The following PCDHGA12 variants were observed in gnomAD, a reference collection of about 807,000 sequenced individuals.
The protein encoded by PCDHGA12 is protocadherin gamma subfamily A, 12, also known as protocadherin gamma-A12.
In PCDHGA12, 43 loss-of-function variants were observed where a neutral mutation model predicts 61.1. The observed-to-expected ratio is 0.70, with a 90% CI of 0.55 to 0.91. The LOEUF is 0.91. Ranked by LOEUF, PCDHGA12 falls within the 40% of genes least tolerant of loss-of-function variation. The pLI is 0.00. For missense variants in PCDHGA12, 1,236 were observed against 1,227.7 expected, an observed-to-expected ratio of 1.01 and a Z score of -0.10; for synonymous variants, 520 against 542.9, an observed-to-expected ratio of 0.96 and a Z score of 0.59.
In PCDHGA12 at chr5:141,431,377, T is replaced by A; in HGVS notation, c.618T>A (p.Ala206=). 1 of 1,613,426 alleles carries A rather than the reference T, an allele frequency of 6.2e-7. No individual in the cohort carries two copies. Among genetic ancestry groups the A allele is most frequent in the Non-Finnish European group, 8.5e-7 (1 of 1,179,558 alleles). The part of the protein sequence containing the change: ...LKRALDREEK[A]AHHLVLTASD... ...GCGCCCTGGACCGCGAAGAAAAGGC[T>A]GCTCACCACCTGGTCCTTACGGCCT... is the stretch of plus-strand genomic sequence containing the variant. The change falls in exon 1 of 4, where the codon GCT becomes GCA. Residue 206 remains alanine (A), a synonymous_variant. Coordinates refer to ENST00000252085, the MANE Select transcript of PCDHGA12 (RefSeq NM_003735.3). This position sits in a 1 kb window ranked among gnomAD's most constrained non-coding sequence, Gnocchi z 4.8.
At chr5:141,436,829 G>C (rs1194891483) in intron 1 of PCDHGA12, among the ~76,000 whole-genome samples, 3 of 152,214 alleles carry the variant, frequency 2.0e-5, no homozygotes, top group African/African-American at 7.2e-5. Flanking sequence ...AAAATCTTAA[G>C]TGCCTAGGCA....
rs1163353349 is a variant in PCDHGA12, at chr5:141,489,426, G to C, written c.2425-5381G>C. 6.2e-7 allele frequency: 1 copy of C among 1,614,012 alleles called. No homozygotes were observed. The highest frequency in any genetic ancestry group is 1.3e-5 in the African/African-American group (1 of 74,922). ...TAAAGATGACAGATCTGTTGAGCCGGCGGCTGCAATTGGGCTCTGAGGAGA... is the reference window on the plus strand; with the variant it reads ...TAAAGATGACAGATCTGTTGAGCCGCCGGCTGCAATTGGGCTCTGAGGAGA... On this transcript the variant is annotated intron_variant, in intron 1 of 3. Transcript: ENST00000252085. The surrounding 1 kb of genome is among the most constrained non-coding windows in gnomAD (Gnocchi z 4.5).
chr5:141,470,911 G>A (rs1208467445), intron 1 of PCDHGA12, among the ~76,000 whole-genome samples: 1 of 151,916 alleles, frequency 6.6e-6, no homozygotes, highest in Non-Finnish European at 1.5e-5. Context: ...AGATGGGACT[G>A]TCCCTATGTT....
At chr5:141,508,739 C>A (rs1344024245) in intron 3 of PCDHGA12, among the ~76,000 whole-genome samples, 1 of 152,156 alleles carries the variant, frequency 6.6e-6, no homozygotes, top group African/African-American at 2.4e-5. Context: ...ACACCCCCCA[C>A]CCCGCTCTTT....
chr5:141,504,135 C>T (rs758903340), intron 2 of PCDHGA12, among the ~76,000 whole-genome samples: 1 of 152,188 alleles, frequency 6.6e-6, no homozygotes, highest in Non-Finnish European at 1.5e-5. Context: ...CCCGCCAACA[C>T]TCCCCTGCAA....
In PCDHGA12 at chr5:141,432,545, A is replaced by G; in HGVS notation, c.1786A>G (p.Arg596Gly). ...YLVTKVVAVD[R>G]DSGQNAWLSY... Reference sequence around the variant, plus strand: ...GGTGACCAAGGTGGTGGCGGTGGACAGAGACTCCGGCCAGAACGCCTGGCT... The same window carrying G: ...GGTGACCAAGGTGGTGGCGGTGGACGGAGACTCCGGCCAGAACGCCTGGCT... Residue 596 changes from arginine (R) to glycine (G), a missense_variant, in exon 1 of 4, where the codon AGA (arginine) becomes GGA (glycine). Arg to Gly is a moderately radical substitution (Grantham distance 125). Coordinates refer to ENST00000252085, the MANE Select transcript of PCDHGA12 (RefSeq NM_003735.3). This position sits in a 1 kb window ranked among gnomAD's most constrained non-coding sequence, Gnocchi z 6.0. The G allele has an allele frequency of 1.2e-6, 2 of 1,613,876 alleles. No homozygotes were observed. Among genetic ancestry groups the G allele is most frequent in the Non-Finnish European group, 1.7e-6 (2 of 1,179,984 alleles).
In PCDHGA12 at chr5:141,485,216, G is replaced by C. The variant is rs757059807; in HGVS notation, c.2425-9591G>C. On this transcript the variant is annotated intron_variant, in intron 1 of 3. Transcript: ENST00000252085. The surrounding 1 kb of genome is among the most constrained non-coding windows in gnomAD (Gnocchi z 5.7). ...AAGCTGGACAGAAATCTGGCGGTGG[G>C]CTACCCTTTTGTTCCTCTTTTACCA... 2.5e-6 allele frequency: 4 copies of C among 1,614,144 alleles called. No homozygotes were observed. In the South Asian group the frequency reaches 4.4e-5, roughly 18 times the overall value.
At position 141,490,524 on chromosome 5, in the gene PCDHGA12, T is replaced by C. The variant is rs1197866164; in HGVS notation, c.2425-4283T>C. The C allele has an allele frequency of 1.2e-6, 2 of 1,613,990 alleles. No homozygotes were observed. Among genetic ancestry groups the C allele is most frequent in the Non-Finnish European group, 1.7e-6 (2 of 1,180,018 alleles). On this transcript the variant is annotated intron_variant, in intron 1 of 3. Transcript: ENST00000252085. The surrounding 1 kb of genome is among the most constrained non-coding windows in gnomAD (Gnocchi z 5.4). ...ATATCATCGAGCTGCTGGCCAGCGA[T>C]GCTGGTTCACCTTCCCTACACAAAC...
At chr5:141,447,520 T>C (rs1156521785) in intron 1 of PCDHGA12, among the ~76,000 whole-genome samples, 1 of 152,202 alleles carries the variant, frequency 6.6e-6, no homozygotes, top group Non-Finnish European at 1.5e-5. Context: ...ATAACAATCA[T>C]AACAAAATTG....
chr5:141,485,359 C>T lies in PCDHGA12; in HGVS notation c.2425-9448C>T. ...TGGATACGGACAGTCTGTCAGCTCG[C>T]AGGCTGCAGGTCGCTGGAGAGGTGA... is the stretch of plus-strand genomic sequence containing the variant. On this transcript the variant is annotated intron_variant, in intron 1 of 3. Transcript: ENST00000252085. The surrounding 1 kb of genome is among the most constrained non-coding windows in gnomAD (Gnocchi z 5.7). 6.2e-7 allele frequency: 1 copy of T among 1,614,144 alleles called. No homozygotes were observed. The highest frequency in any genetic ancestry group is 8.5e-7 in the Non-Finnish European group (1 of 1,180,010).
At position 141,476,613 on chromosome 5, in the gene PCDHGA12, G is replaced by A; in HGVS notation, c.2425-18194G>A. On this transcript the variant is annotated intron_variant, in intron 1 of 3. Coordinates refer to ENST00000252085, the MANE Select transcript of PCDHGA12 (RefSeq NM_003735.3). This position sits in a 1 kb window ranked among gnomAD's most constrained non-coding sequence, Gnocchi z 7.6. ...AGCGCGCACGATCCCGATGTGGGAA[G>A]CAACTCTTTACAAACCTATGAGCTG... is the stretch of plus-strand genomic sequence containing the variant. 1 of 1,614,266 alleles carries A rather than the reference G, an allele frequency of 6.2e-7. No homozygotes were observed. The highest frequency in any genetic ancestry group is 1.3e-5 in the African/African-American group (1 of 75,078).
chr5:141,464,144 A>G (rs1305530394), intron 1 of PCDHGA12, among the ~76,000 whole-genome samples: 1 of 152,030 alleles, frequency 6.6e-6, no homozygotes, highest in South Asian at 2.1e-4. Context: ...GGGCGCCTGT[A>G]GTCCCAGCTA....
In PCDHGA12 at chr5:141,485,867, G is replaced by T; in HGVS notation, c.2425-8940G>T. The T allele has an allele frequency of 6.2e-7, 1 of 1,614,164 alleles. No homozygotes were observed. Among genetic ancestry groups the T allele is most frequent in the Non-Finnish European group, 8.5e-7 (1 of 1,180,040 alleles). On this transcript the variant is annotated intron_variant, in intron 1 of 3. Transcript: ENST00000252085. The surrounding 1 kb of genome is among the most constrained non-coding windows in gnomAD (Gnocchi z 5.7). ...TGGCACCGCAGAGCTCCGGGTATCC[G>T]TGCTGGACGTAAACGACAACGCCCC...
At position 141,486,538 on chromosome 5, in the gene PCDHGA12, C is replaced by A; in HGVS notation, c.2425-8269C>A. 1 of 1,614,150 alleles carries A rather than the reference C, an allele frequency of 6.2e-7. No individual in the cohort carries two copies. Among genetic ancestry groups the A allele is most frequent in the Non-Finnish European group, 8.5e-7 (1 of 1,180,038 alleles). ...ATGTGAATGATAATCCACCCTCTTTCTTTCAGAGGTCACATGAGGTGTTTG... is the reference window on the plus strand; with the variant it reads ...ATGTGAATGATAATCCACCCTCTTTATTTCAGAGGTCACATGAGGTGTTTG... On this transcript the variant is annotated intron_variant, in intron 1 of 3. Coordinates refer to ENST00000252085, the MANE Select transcript of PCDHGA12 (RefSeq NM_003735.3). This position sits in a 1 kb window ranked among gnomAD's most constrained non-coding sequence, Gnocchi z 5.0.
In PCDHGA12 at chr5:141,485,037, C is replaced by T. The variant is rs2099605532; in HGVS notation, c.2425-9770C>T. 1.0e-5 allele frequency: 7 copies of T among 702,746 alleles called. No individual in the cohort carries two copies. Among genetic ancestry groups the T allele is most frequent in the Non-Finnish European group, 1.5e-5 (6 of 402,836 alleles). 43.5% of individuals were successfully genotyped at this position (702,746 alleles called of 1,614,324 possible). A position where few individuals can be genotyped will look rare whatever the true frequency, so the allele number is the denominator to read the frequency against. ...GCCACCAGCAAAAACGGCGCGTAAC[C>T]CTTGCGGCGCCGGCCGAACCGCGCC... is the stretch of plus-strand genomic sequence containing the variant. On this transcript the variant is annotated intron_variant, in intron 1 of 3. Transcript: ENST00000252085. The surrounding 1 kb of genome is among the most constrained non-coding windows in gnomAD (Gnocchi z 5.7).
Position 141,432,035 on chromosome 5 carries a change from G to T in PCDHGA12, c.1276G>T (p.Asp426Tyr). 1 of 1,614,218 alleles carries T rather than the reference G, an allele frequency of 6.2e-7. No homozygotes were observed. The highest frequency in any genetic ancestry group is 1.1e-5 in the South Asian group (1 of 91,066). The change falls in exon 1 of 4, where the codon GAC becomes TAC. Residue 426 changes from aspartate (D) to tyrosine (Y), a missense_variant. Transcript: ENST00000252085. The surrounding 1 kb of genome is among the most constrained non-coding windows in gnomAD (Gnocchi z 6.0). ...CTACAACATCACAGTGACCGCCACT[G>T]ACCGGGGAACCCCGCCCCTATCCAC... is the stretch of plus-strand genomic sequence containing the variant. ...PSYNITVTATDRGTPPLSTET... is the reference protein window; with the variant it reads ...PSYNITVTATYRGTPPLSTET...
chr5:141,466,812 G>A (rs1394979761), intron 1 of PCDHGA12, among the ~76,000 whole-genome samples: 3 of 151,940 alleles, frequency 2.0e-5, no homozygotes, highest in Non-Finnish European at 4.4e-5. Flanking sequence ...ATTCAGACAT[G>A]GTATAACAAG....
At position 141,476,105 on chromosome 5, in the gene PCDHGA12, C is replaced by T; in HGVS notation, c.2425-18702C>T. ...ATCTGGACCCCGCTGAGAGGAACTG[C>T]TTTTGAGTGAGATGGTCCCAGAGGC... On this transcript the variant is annotated intron_variant, in intron 1 of 3. Coordinates refer to ENST00000252085, the MANE Select transcript of PCDHGA12 (RefSeq NM_003735.3). This position sits in a 1 kb window ranked among gnomAD's most constrained non-coding sequence, Gnocchi z 7.6. 2.5e-6 allele frequency: 4 copies of T among 1,585,450 alleles called. No homozygotes were observed. The highest frequency in any genetic ancestry group is 3.4e-6 in the Non-Finnish European group (4 of 1,168,874).
chr5:141,485,344 C>G lies in PCDHGA12; in HGVS notation c.2425-9463C>G. On this transcript the variant is annotated intron_variant, in intron 1 of 3. Coordinates refer to ENST00000252085, the MANE Select transcript of PCDHGA12 (RefSeq NM_003735.3). This position sits in a 1 kb window ranked among gnomAD's most constrained non-coding sequence, Gnocchi z 5.7. ...CTCAAGATTTCCTGCTGGATACGGA[C>G]AGTCTGTCAGCTCGCAGGCTGCAGG... 6.2e-7 allele frequency: 1 copy of G among 1,614,116 alleles called. No individual in the cohort carries two copies. The highest frequency in any genetic ancestry group is 8.5e-7 in the Non-Finnish European group (1 of 1,180,004).
Sources: gnomAD v4.1 joint callset for allele counts (sites outside exome capture counted in the v4.1 genomes callset) on GRCh38, gnomAD v4.1.1 for gene constraint, Gnocchi (gnomAD v3.1) non-coding constraint, MANE v1.5 for transcripts, NCBI Gene and HGNC (gene_info 2026-07-23, HGNC 2026-07-21) for gene names.